The following SLC4A3 variants were observed in gnomAD, a reference collection of about 807,000 sequenced individuals.
SLC4A3 encodes anion exchange protein 3.
A neutral mutation model predicts 114.2 loss-of-function variants in SLC4A3; 47 were observed. The ratio of observed to expected loss-of-function variants is 0.41; its 90% CI spans 0.33 to 0.52. SLC4A3 has a LOEUF of 0.52. Ranked by LOEUF, SLC4A3 falls within the 20% of genes least tolerant of loss-of-function variation. The pLI is 0.21. For missense variants in SLC4A3, 1,312 were observed against 1,668.3 expected (o/e 0.79, Z 3.72); for synonymous variants, 693 against 710.3 (o/e 0.98, Z 0.39).
intron 8 of SLC4A3, 121 bp downstream of exon 8, chr2:219,632,563 A>G: frequency 8.3e-7 from 1 of 1,197,746 alleles, no homozygotes; most frequent in Non-Finnish European, 1.1e-6. Context: ...GCCACCTGGG[A>G]CCGTGGGGGT....
intron 5 of SLC4A3, among the ~76,000 whole-genome samples, chr2:219,629,900 CAG>C (rs1698859712): frequency 6.8e-6 from 1 of 147,408 alleles, no homozygotes; most frequent in Non-Finnish European, 1.5e-5. Flanking sequence ...GGGAGAAAAA[CAG>C]AGAAGAGCAG....
Position 219,638,736 on chromosome 2 carries a change from T to C in SLC4A3, c.2890T>C (p.Ser964Pro). Residue 964 changes from serine to proline, a missense_variant, in exon 19 of 23, where the codon TCT becomes CCT. By Grantham distance (74) the Ser-to-Pro change is moderately conservative. Around this residue, in one of 4 missense-constraint regions of SLC4A3, gnomAD observed 301 missense variants for 460.7 expected, o/e 0.65. Coordinates refer to ENST00000358055, the MANE Select transcript of SLC4A3 (RefSeq NM_005070.4). This position sits in a 1 kb window ranked among gnomAD's most constrained non-coding sequence, Gnocchi z 7.5. Reference sequence around the variant, plus strand: ...AGTGCCTACAGGGCTCTCAGTGACCTCTCCCGATAAGCGCTCGTGGTTCAT... The same window carrying C: ...AGTGCCTACAGGGCTCTCAGTGACCCCTCCCGATAAGCGCTCGTGGTTCAT... ...LTVPTGLSVT[S>P]PDKRSWFIPP... 6.2e-7 allele frequency: 1 copy of C among 1,614,114 alleles called. No homozygotes were observed. The highest frequency in any genetic ancestry group is 8.5e-7 in the Non-Finnish European group (1 of 1,180,024).
chr2:219,630,181 C>T lies in SLC4A3; in HGVS notation c.640C>T (p.Arg214Ter), dbSNP rs746821160. 9 of 1,612,298 alleles carry T rather than the reference C, an allele frequency of 5.6e-6. No homozygotes were observed. Among genetic ancestry groups the T allele is most frequent in the Admixed American group, 1.7e-5 (1 of 59,850 alleles). ...SSPSPRARAS[R>*]LAGEKSRPWS... ...CCCCAGCCCCCGGGCCCGGGCCTCCCGACTCGCTGGGGAGAAAAGCCGGCC... is the reference window on the plus strand; with the variant it reads ...CCCCAGCCCCCGGGCCCGGGCCTCCTGACTCGCTGGGGAGAAAAGCCGGCC... The change falls in exon 6 of 23, where the codon CGA (arginine) becomes TGA (stop). Residue 214 changes from arginine (R) to a stop codon, truncating the protein, a stop_gained. Coordinates refer to ENST00000358055, the MANE Select transcript of SLC4A3 (RefSeq NM_005070.4). LOFTEE classifies it high-confidence loss of function. This position sits in a 1 kb window ranked among gnomAD's most constrained non-coding sequence, Gnocchi z 6.9.
In SLC4A3 at chr2:219,635,688, TG is replaced by T; in HGVS notation, c.1994del (p.Gly665AlafsTer25). 1.3e-6 allele frequency: 2 copies of T among 1,587,476 alleles called. No homozygotes were observed. Among genetic ancestry groups the T allele is most frequent in the East Asian group, 2.3e-5 (1 of 44,354 alleles). On this transcript the variant is annotated frameshift_variant, in exon 14 of 23. Transcript: ENST00000358055. LOFTEE classifies it high-confidence loss of function. The part of the protein sequence containing the change: ...TAPGKELSLE[L>X]GGSEATPEDD... ...GTTCCCCCAGAACTGTCTTTGGAGT[TG>T]GGGGGCTCTGAGGCAACCCCTGAAG...
chr2:219,633,091 C>T (rs897149042), intron 9 of SLC4A3, 82 bp downstream of exon 9: 38 of 1,531,528 alleles, frequency 2.5e-5, no homozygotes, highest in Non-Finnish European at 5.4e-6. Context: ...TGGCTCCCAG[C>T]CTCTGCTTGA....
rs762296937 is a variant in SLC4A3 at position 219,632,940 on chromosome 2, T to C, written c.1208T>C (p.Met403Thr). The change falls in exon 9 of 23, where the codon ATG (methionine) becomes ACG (threonine). Residue 403 changes from methionine (M) to threonine (T), a missense_variant. Around this residue, in one of 4 missense-constraint regions of SLC4A3, gnomAD observed 771 missense variants for 977.7 expected, o/e 0.79. Coordinates refer to ENST00000358055, the MANE Select transcript of SLC4A3 (RefSeq NM_005070.4). ...ATTGCACACCTCGTGGTGGAGACCA[T>C]GATTGTGTCTGACCAGATCCGGCCG... ...PGIAHLVVETMIVSDQIRPED... is the reference protein window; with the variant it reads ...PGIAHLVVETTIVSDQIRPED... The C allele has an allele frequency of 4.3e-6, 7 of 1,614,096 alleles. No homozygotes were observed. Among genetic ancestry groups the C allele is most frequent in the Non-Finnish European group, 5.9e-6 (7 of 1,180,012 alleles).
At position 219,637,944 on chromosome 2, in the gene SLC4A3, G is replaced by A. The variant is rs967037301; in HGVS notation, c.2766+133G>A. ...AGCTCGGGCAGCCCCTCACCCCTTC[G>A]GAAGCCTCTTCCCTGGGTGTCTTCT... On this transcript the variant is annotated intron_variant, in intron 17 of 22. Transcript: ENST00000358055. The surrounding 1 kb of genome is among the most constrained non-coding windows in gnomAD (Gnocchi z 4.6). The A allele has an allele frequency of 2.3e-5, 17 of 745,928 alleles. No homozygotes were observed. Among genetic ancestry groups the A allele is most frequent in the Admixed American group, 2.1e-4 (9 of 43,496 alleles). The allele number at this position is 745,928 out of a possible 1,614,324, so 46.2% of individuals were successfully genotyped here. A position where few individuals can be genotyped will look rare whatever the true frequency, so the allele number is the denominator to read the frequency against.
chr2:219,637,607 G>A lies in SLC4A3; in HGVS notation c.2562G>A (p.Pro854=), dbSNP rs144670052. The A allele has an allele frequency of 3.1e-4, 491 of 1,605,582 alleles. 1 individual carries two copies. Among genetic ancestry groups the A allele is most frequent in the Non-Finnish European group, 3.3e-4 (382 of 1,174,458 alleles). ...YKVFTEHPLL[P]FYPPEGALEG... ...TGTTCACAGAGCACCCACTGCTGCC[G>A]TTCTACCCCCCTGAGGGGGCCCTGG... Residue 854 remains proline (P), a synonymous_variant, in exon 17 of 23, where the codon CCG becomes CCA. Coordinates refer to ENST00000358055, the MANE Select transcript of SLC4A3 (RefSeq NM_005070.4). The surrounding 1 kb of genome is among the most constrained non-coding windows in gnomAD (Gnocchi z 4.6).
chr2:219,629,185 G>A lies in SLC4A3; in HGVS notation c.259G>A (p.Ala87Thr). 2.5e-6 allele frequency: 4 copies of A among 1,609,966 alleles called. No homozygotes were observed. The highest frequency in any genetic ancestry group is 3.4e-6 in the Non-Finnish European group (4 of 1,178,128). ...TSHHTHHPLS[A>T]RLPPPHKLRR... ...CCACCACACCCACCACCCGCTCTCAGCGCGCCTGCCTCCACCCCACAAGCT... is the reference window on the plus strand; with the variant it reads ...CCACCACACCCACCACCCGCTCTCAACGCGCCTGCCTCCACCCCACAAGCT... Residue 87 changes from alanine (A) to threonine (T), a missense_variant, in exon 4 of 23, where the codon GCG (alanine) becomes ACG (threonine). Transcript: ENST00000358055.
In SLC4A3 at chr2:219,631,269, C is replaced by T. The variant is rs1244557438; in HGVS notation, c.812-699C>T. ...GAGCCCACTGGAGAAGGACCCTGAGCCCAATGGGGCACTGAGCCCTGGGCC... is the reference window on the plus strand; with the variant it reads ...GAGCCCACTGGAGAAGGACCCTGAGTCCAATGGGGCACTGAGCCCTGGGCC... On this transcript the variant is annotated intron_variant, in intron 6 of 22. Coordinates refer to ENST00000358055, the MANE Select transcript of SLC4A3 (RefSeq NM_005070.4). This position sits in a 1 kb window ranked among gnomAD's most constrained non-coding sequence, Gnocchi z 6.3. 3 of 1,289,978 alleles carry T rather than the reference C, an allele frequency of 2.3e-6. No individual in the cohort carries two copies. The highest frequency in any genetic ancestry group is 3.1e-5 in the African/African-American group (2 of 65,502). 79.9% of individuals were successfully genotyped at this position (1,289,978 alleles called of 1,614,324 possible).
chr2:219,635,576 C>A, intron 13 of SLC4A3, 80 bp downstream of exon 13: 1 of 1,484,466 alleles, frequency 6.7e-7, no homozygotes, highest in Non-Finnish European at 9.2e-7. Flanking sequence ...CAGCCCCGTC[C>A]TGACTCCTGG....
rs570519081 is a variant in SLC4A3 at position 219,633,734 on chromosome 2, G to A, written c.1462-146G>A. On this transcript the variant is annotated intron_variant, in intron 10 of 22. Coordinates refer to ENST00000358055, the MANE Select transcript of SLC4A3 (RefSeq NM_005070.4). ...AGGCAGGGTCCACATCCCAGCTGGT[G>A]GCTCCCAGTGTGGGGCCACAGTGCA... 75 of 1,283,992 alleles carry A rather than the reference G, an allele frequency of 5.8e-5. No homozygotes were observed. The African/African-American group carries it at 1.0e-3, about 17-fold the overall frequency. The allele number at this position is 1,283,992 out of a possible 1,614,324, so 79.5% of individuals were successfully genotyped here.
chr2:219,629,254 A>G lies in SLC4A3; in HGVS notation c.328A>G (p.Arg110Gly), dbSNP rs745969172. 6.2e-6 allele frequency: 10 copies of G among 1,613,752 alleles called. No homozygotes were observed. Among genetic ancestry groups the G allele is most frequent in the Non-Finnish European group, 8.5e-6 (10 of 1,179,950 alleles). ...CTCTGCCCGGCACACCAGGAGAAAG[A>G]GGAAGAAGGAGAAAACCTCTGCTCC... ...PTSARHTRRK[R>G]KKEKTSAPPS... The change falls in exon 4 of 23, where the codon AGG (arginine) becomes GGG (glycine). Residue 110 changes from arginine to glycine, a missense_variant. Arg to Gly is a moderately radical substitution (Grantham distance 125). Around this residue, in one of 4 missense-constraint regions of SLC4A3, gnomAD observed 236 missense variants for 212.1 expected, o/e 1.11. Coordinates refer to ENST00000358055, the MANE Select transcript of SLC4A3 (RefSeq NM_005070.4).
In SLC4A3 at chr2:219,638,101, C is replaced by G; in HGVS notation, c.2767-63C>G. 7.5e-7 allele frequency: 1 copy of G among 1,339,400 alleles called. No homozygotes were observed. The highest frequency in any genetic ancestry group is 1.1e-6 in the Non-Finnish European group (1 of 950,530). 83.0% of individuals were successfully genotyped at this position (1,339,400 alleles called of 1,614,324 possible). A position where few individuals can be genotyped will look rare whatever the true frequency, so the allele number is the denominator to read the frequency against. On this transcript the variant is annotated intron_variant, in intron 17 of 22. Transcript: ENST00000358055. The surrounding 1 kb of genome is among the most constrained non-coding windows in gnomAD (Gnocchi z 7.5). ...CAGGCAGGGCCAGAGATGGCAAGCC[C>G]CGTGTTAGTCTGCTGACCTTGCCTC...
chr2:219,632,932 G>A lies in SLC4A3; in HGVS notation c.1200G>A (p.Val400=). 2 of 1,614,150 alleles carry A rather than the reference G, an allele frequency of 1.2e-6. No homozygotes were observed. Among genetic ancestry groups the A allele is most frequent in the Non-Finnish European group, 1.7e-6 (2 of 1,180,028 alleles). Residue 400 remains valine, a synonymous_variant, in exon 9 of 23, where the codon GTG becomes GTA. Coordinates refer to ENST00000358055, the MANE Select transcript of SLC4A3 (RefSeq NM_005070.4). ...TTLPGIAHLV[V]ETMIVSDQIR... is the part of the protein sequence containing the mutation. The stretch of plus-strand genomic sequence containing the variant: ...TGCCAGGCATTGCACACCTCGTGGT[G>A]GAGACCATGATTGTGTCTGACCAGA...
At position 219,632,924 on chromosome 2, in the gene SLC4A3, C is replaced by T. The variant is rs769962210; in HGVS notation, c.1192C>T (p.Leu398Phe). 6.2e-7 allele frequency: 1 copy of T among 1,614,154 alleles called. No homozygotes were observed. The highest frequency in any genetic ancestry group is 8.5e-7 in the Non-Finnish European group (1 of 1,180,038). The change falls in exon 9 of 23, where the codon CTC (leucine) becomes TTC (phenylalanine). Residue 398 changes from leucine (L) to phenylalanine (F), a missense_variant. Physicochemically the swap from Leu to Phe is conservative, Grantham distance 22. Around this residue, in one of 4 missense-constraint regions of SLC4A3, gnomAD observed 771 missense variants for 977.7 expected, o/e 0.79. Coordinates refer to ENST00000358055, the MANE Select transcript of SLC4A3 (RefSeq NM_005070.4). ...AACCACCCTGCCAGGCATTGCACAC[C>T]TCGTGGTGGAGACCATGATTGTGTC... ...EQTTLPGIAH[L>F]VVETMIVSDQ... is the part of the protein sequence containing the mutation.
chr2:219,632,185 GC>G (rs1012221124), intron 7 of SLC4A3, 69 bp downstream of exon 7: 5 of 1,606,614 alleles, frequency 3.1e-6, no homozygotes, highest in South Asian at 1.1e-5. Context: ...TCCTCTCTTT[GC>G]CCCCCTGCCT....
Position 219,631,536 on chromosome 2 carries a change from C to A in SLC4A3, c.812-432C>A. The A allele has an allele frequency of 1.6e-6, 2 of 1,219,514 alleles. No individual in the cohort carries two copies. The highest frequency in any genetic ancestry group is 2.2e-6 in the Non-Finnish European group (2 of 928,008). The allele number at this position is 1,219,514 out of a possible 1,614,324, so 75.5% of individuals were successfully genotyped here. On this transcript the variant is annotated intron_variant, in intron 6 of 22. Coordinates refer to ENST00000358055, the MANE Select transcript of SLC4A3 (RefSeq NM_005070.4). This position sits in a 1 kb window ranked among gnomAD's most constrained non-coding sequence, Gnocchi z 6.3. The stretch of plus-strand genomic sequence containing the variant: ...ACAGGAGGAAGGGAGCGAAGCCCTG[C>A]CTGAGTCTACTGGGCTGTGTACCTT...
Position 219,634,452 on chromosome 2 carries a change from G to T in SLC4A3, c.1594G>T (p.Ala532Ser), listed in dbSNP as rs370441322. The change falls in exon 12 of 23, where the codon GCC becomes TCC. Residue 532 changes from alanine (A) to serine (S), a missense_variant. Physicochemically the swap from Ala to Ser is moderately conservative, Grantham distance 99. This residue lies in a region of SLC4A3 where 771 missense variants were observed against 977.7 expected (regional missense o/e 0.79). Coordinates refer to ENST00000358055, the MANE Select transcript of SLC4A3 (RefSeq NM_005070.4). ...CVPFLEQPAA[A>S]FVRLNEAVLL... The stretch of plus-strand genomic sequence containing the variant: ...GCCTTTCTTGGAGCAGCCTGCAGCA[G>T]CCTTCGTGCGTCTGAATGAGGCTGT... 6.2e-7 allele frequency: 1 copy of T among 1,614,176 alleles called. No individual in the cohort carries two copies. The highest frequency in any genetic ancestry group is 8.5e-7 in the Non-Finnish European group (1 of 1,180,034).
Sources: allele counts gnomAD v4.1 joint callset (sites outside exome capture counted in the v4.1 genomes callset), GRCh38; gene constraint gnomAD v4.1.1; regional missense constraint gnomAD v4.1.1; non-coding constraint Gnocchi (gnomAD v3.1); transcripts MANE v1.5; gene names NCBI Gene and HGNC (gene_info 2026-07-23, HGNC 2026-07-21).